Variants in CERS4 observed in about 807,000 individuals in gnomAD.
The protein encoded by CERS4 is LAG1 homolog, ceramide synthase 4.
Under a neutral mutation model 51.8 loss-of-function variants are expected in CERS4, and 65 were observed. The observed-to-expected ratio is 1.26, with a 90% confidence interval of 1.03 to 1.54. CERS4 has a LOEUF of 1.54. Among genes scored for constraint, CERS4 ranks in the 40% most tolerant of loss-of-function variants. The pLI, the probability that CERS4 is intolerant of heterozygous loss-of-function variation, is 0.00. For missense variants in CERS4, 563 were observed against 500.4 expected (o/e 1.13, Z -1.19); for synonymous variants, 228 against 208.4 (o/e 1.09, Z -0.81).
intron 2 of CERS4, among the ~76,000 whole-genome samples, chr19:8,235,831 G>C (rs1255935363): frequency 6.6e-6 from 1 of 151,910 alleles, no homozygotes; most frequent in Admixed American, 6.6e-5. Context: ...GGTGGGTTGA[G>C]GCTGCAATGA....
chr19:8,237,153 G>A (rs1968304973), intron 2 of CERS4, among the ~76,000 whole-genome samples: 1 of 152,024 alleles, frequency 6.6e-6, no homozygotes, highest in African/African-American at 2.4e-5. Context: ...TGTTACCTTG[G>A]ACCTGGTAAA....
At chr19:8,254,772 G>A (rs893458625) in intron 4 of CERS4, among the ~76,000 whole-genome samples, 156 bp downstream of exon 4, 6 of 152,052 alleles carry the variant, frequency 3.9e-5, no homozygotes, top group African/African-American at 7.2e-5. Flanking sequence ...AATTCCCTGG[G>A]AAAGGGCTCT....
At chr19:8,249,472 C>T (rs1225003296) in intron 2 of CERS4, among the ~76,000 whole-genome samples, 6 of 151,900 alleles carry the variant, frequency 3.9e-5, no homozygotes, top group Non-Finnish European at 7.4e-5. Flanking sequence ...CTCAGTTATG[C>T]AGTAGGCTCT....
chr19:8,256,689 G>A lies in CERS4; in HGVS notation c.591G>A (p.Leu197=). ...LGFYLSLLIR[L]PFDVKRKDFK... ...TCTACCTCTCACTGCTAATCAGGCT[G>A]CCCTTTGATGTCAAGCGCAAGGTGA... Residue 197 remains leucine, a synonymous_variant, in exon 8 of 12, where the codon CTG becomes CTA. Coordinates refer to ENST00000251363, the MANE Select transcript of CERS4 (RefSeq NM_024552.3). 1 of 1,613,774 alleles carries A rather than the reference G, an allele frequency of 6.2e-7. No homozygotes were observed. The highest frequency in any genetic ancestry group is 1.3e-5 in the African/African-American group (1 of 75,018).
At chr19:8,217,502 G>A (rs1967349112) in intron 2 of CERS4, among the ~76,000 whole-genome samples, 1 of 151,594 alleles carries the variant, frequency 6.6e-6, no homozygotes, top group Non-Finnish European at 1.5e-5. Context: ...CTGAGTAGCT[G>A]GGATTACAGG....
chr19:8,238,983 C>T (rs1369738290), intron 2 of CERS4, among the ~76,000 whole-genome samples: 4 of 151,984 alleles, frequency 2.6e-5, no homozygotes, highest in African/African-American at 9.7e-5. Context: ...CTCCTGTAGT[C>T]CCAGCTGCTT....
intron 2 of CERS4, among the ~76,000 whole-genome samples, chr19:8,231,805 G>A (rs958393749): frequency 5.4e-5 from 8 of 147,716 alleles, no homozygotes; most frequent in African/African-American, 2.0e-4. Flanking sequence ...GCCTGCCTTG[G>A]CCTCCCAAAG....
At chr19:8,248,823 A>G (rs887474337) in intron 2 of CERS4, among the ~76,000 whole-genome samples, 5 of 137,092 alleles carry the variant, frequency 3.6e-5, no homozygotes, top group Non-Finnish European at 7.8e-5. Flanking sequence ...GTATGGGTTG[A>G]TGGATGATGG....
intron 2 of CERS4, among the ~76,000 whole-genome samples, chr19:8,219,004 C>T (rs1195303282): frequency 7.3e-5 from 11 of 151,348 alleles, no homozygotes; most frequent in Admixed American, 5.3e-4. Context: ...GCCAGGAGTT[C>T]GAGACCAGCC....
At position 8,257,080 on chromosome 19, in the gene CERS4, G is replaced by C. The variant is rs1969430137; in HGVS notation, c.741+3G>C. The stretch of plus-strand genomic sequence containing the variant: ...ATTCCTCTGACTACCTGCTGGAGGT[G>C]GGCCCGACCCCTGCCTGACCCTTCC... On this transcript the variant is annotated splice_donor_region_variant and intron_variant, in intron 9 of 11. Transcript: ENST00000251363. 3.8e-6 allele frequency: 6 copies of C among 1,593,200 alleles called. No individual in the cohort carries two copies. The highest frequency in any genetic ancestry group is 5.1e-6 in the Non-Finnish European group (6 of 1,167,854).
intron 10 of CERS4, among the ~76,000 whole-genome samples, chr19:8,259,339 T>A (rs1322627288): frequency 1.3e-5 from 2 of 151,762 alleles, no homozygotes; most frequent in Admixed American, 6.6e-5. Flanking sequence ...ATGCCCGGCA[T>A]GTTAGAGGAA....
intron 2 of CERS4, among the ~76,000 whole-genome samples, chr19:8,217,411 C>T (rs1435153235): frequency 4.6e-5 from 7 of 152,024 alleles, no homozygotes; most frequent in Non-Finnish European, 1.0e-4. Flanking sequence ...CTCTGTCGCT[C>T]AGGCTGGAGT....
chr19:8,242,721 A>C (rs1968589311), intron 2 of CERS4, among the ~76,000 whole-genome samples: 1 of 152,184 alleles, frequency 6.6e-6, no homozygotes, highest in Non-Finnish European at 1.5e-5. Context: ...CCCAAATACT[A>C]AATGAGCATT....
intron 2 of CERS4, among the ~76,000 whole-genome samples, chr19:8,246,678 T>C (rs1249975952): frequency 6.6e-6 from 1 of 151,966 alleles, no homozygotes; most frequent in African/African-American, 2.4e-5. Flanking sequence ...TGGCCTGAGG[T>C]CAGCTGCCTA....
At chr19:8,213,745 C>T (rs1283396451) in intron 2 of CERS4, among the ~76,000 whole-genome samples, 1 of 152,086 alleles carries the variant, frequency 6.6e-6, no homozygotes, top group Admixed American at 6.6e-5. Context: ...GCGGGCAGAT[C>T]ACCTGAGGTC....
At position 8,226,903 on chromosome 19, in the gene CERS4, C is replaced by T. The variant is rs750503109; in HGVS notation, c.-2+16041C>T. 5.5e-4 allele frequency among the ~76,000 whole-genome samples: 84 copies of T among 152,096 alleles called. 1 individual carries two copies. The highest frequency in any genetic ancestry group is 2.4e-4 in the African/African-American group (10 of 41,422). Reference sequence around the variant, plus strand: ...CAGCACTTTGGGAGGCCGAGGCAGACGGATCACCTGAGGTCAGGAGTTCGA... The same window carrying T: ...CAGCACTTTGGGAGGCCGAGGCAGATGGATCACCTGAGGTCAGGAGTTCGA... On this transcript the variant is annotated intron_variant, in intron 2 of 11. Coordinates refer to ENST00000251363, the MANE Select transcript of CERS4 (RefSeq NM_024552.3).
chr19:8,254,522 G>A lies in CERS4; in HGVS notation c.197G>A (p.Arg66Gln), dbSNP rs770230811. Residue 66 changes from arginine (R) to glutamine (Q), a missense_variant, in exon 4 of 12, where the codon CGG becomes CAG. Physicochemically the swap from Arg to Gln is conservative, Grantham distance 43. Transcript: ENST00000251363. The part of the protein sequence containing the change: ...FERFIGLPLS[R>Q]WLGVRDQTRR... ...AGATTCATTGGCCTGCCCCTGAGCCGGTGGCTGGGTGTGAGGGATCAGACC... is the reference window on the plus strand; with the variant it reads ...AGATTCATTGGCCTGCCCCTGAGCCAGTGGCTGGGTGTGAGGGATCAGACC... 26 of 1,613,462 alleles carry A rather than the reference G, an allele frequency of 1.6e-5. No homozygotes were observed. The Admixed American group carries it at 1.7e-4, about 10-fold the overall frequency.
At chr19:8,219,588 G>GGAT (rs1268679275) in intron 2 of CERS4, among the ~76,000 whole-genome samples, 2 of 152,180 alleles carry the variant, frequency 1.3e-5, no homozygotes, top group Non-Finnish European at 2.9e-5. Flanking sequence ...AGGCCAAGGC[G>GGAT]GATGGATCAC....
Position 8,226,769 on chromosome 19 carries a change from G to A in CERS4, c.-2+15907G>A, listed in dbSNP as rs556729102. Reference sequence around the variant, plus strand: ...GCACTTTGGGAGGCTGAGGCAGGCGGATTGCCTGAGGTCAAGAGTTCGAGA... The same window carrying A: ...GCACTTTGGGAGGCTGAGGCAGGCGAATTGCCTGAGGTCAAGAGTTCGAGA... On this transcript the variant is annotated intron_variant, in intron 2 of 11. Transcript: ENST00000251363. Among the ~76,000 whole-genome samples the A allele has an allele frequency of 4.9e-4, 75 of 152,190 alleles. No homozygotes were observed. The East Asian group carries it at 7.7e-3, about 16-fold the overall frequency.
Sources: allele counts gnomAD v4.1 joint callset (sites outside exome capture counted in the v4.1 genomes callset), GRCh38; gene constraint gnomAD v4.1.1; transcripts MANE v1.5; gene names NCBI Gene and HGNC (gene_info 2026-07-23, HGNC 2026-07-21).